Variants in SPATA31G1 observed in about 807,000 individuals in gnomAD.
The protein encoded by SPATA31G1 is spermatogenesis-associated protein 31G1.
chr9:35,041,129 G>C, the SPATA31G1 span: 1 of 454,740 alleles, frequency 2.2e-6, no homozygotes, highest in Non-Finnish European at 4.4e-6. Flanking sequence ...AAGGAAGGAG[G>C]AAGTTAACTT....
the SPATA31G1 span, chr9:35,044,859 A>G: frequency 6.2e-7 from 1 of 1,613,976 alleles, no homozygotes; most frequent in South Asian, 1.1e-5. Context: ...GATTGAACGC[A>G]CTCATCCTGG....
the SPATA31G1 span, chr9:35,043,421 AG>A: frequency 5.0e-6 from 8 of 1,614,168 alleles, no homozygotes; most frequent in Non-Finnish European, 6.8e-6. Context: ...AAGATCTAGA[AG>A]GGATGGCCCC....
chr9:35,041,151 A>C, the SPATA31G1 span: 2 of 453,920 alleles, frequency 4.4e-6, no homozygotes, highest in South Asian at 3.1e-5. Flanking sequence ...TGGAATGCTG[A>C]GAAAGGTAAA....
chr9:35,045,664 C>T, the SPATA31G1 span: 1 of 1,614,214 alleles, frequency 6.2e-7, no homozygotes, highest in African/African-American at 1.3e-5. Context: ...CTCCCCAAAG[C>T]TTCGGGTCCC....
the SPATA31G1 span, chr9:35,045,663 G>A: frequency 1.1e-5 from 17 of 1,614,190 alleles, no homozygotes; most frequent in Middle Eastern, 3.3e-4. Context: ...TCTCCCCAAA[G>A]CTTCGGGTCC....
the SPATA31G1 span, chr9:35,045,447 T>C: frequency 6.2e-7 from 1 of 1,613,990 alleles, no homozygotes; most frequent in Non-Finnish European, 8.5e-7. Flanking sequence ...TTCAGCCTCA[T>C]CCTCAGCCAA....
At chr9:35,045,382 C>T in the SPATA31G1 span, 3 of 1,614,108 alleles carry the variant, frequency 1.9e-6, no homozygotes, top group Non-Finnish European at 2.5e-6. Flanking sequence ...TCTCCAGGCC[C>T]AGGAGAACCC....
the SPATA31G1 span, chr9:35,045,799 G>A: frequency 6.2e-7 from 1 of 1,614,108 alleles, no homozygotes; most frequent in African/African-American, 1.3e-5. Flanking sequence ...TCCCTTACCA[G>A]GGGTTTGCAA....
the SPATA31G1 span, chr9:35,045,653 T>A: frequency 6.2e-7 from 1 of 1,613,958 alleles, no homozygotes; most frequent in Non-Finnish European, 8.5e-7. Context: ...CCCAGCTGCT[T>A]CTCCCCAAAG....
chr9:35,043,332 T>C, the SPATA31G1 span: 2 of 1,614,202 alleles, frequency 1.2e-6, no homozygotes, highest in South Asian at 1.1e-5. Context: ...CAAGCTTGCC[T>C]TCCTACCTAG....
chr9:35,045,203 C>CCA, the SPATA31G1 span: 1 of 1,614,200 alleles, frequency 6.2e-7, no homozygotes, highest in Non-Finnish European at 8.5e-7. Flanking sequence ...CTCAGCCTGT[C>CCA]CAGTCCTCCC....
chr9:35,043,205 A>G, the SPATA31G1 span: 1 of 1,614,180 alleles, frequency 6.2e-7, no homozygotes, highest in Non-Finnish European at 8.5e-7. Flanking sequence ...AGCAGAGAAA[A>G]AGCCAGCTCT....
At chr9:35,044,824 C>A in the SPATA31G1 span, 3 of 1,614,164 alleles carry the variant, frequency 1.9e-6, no homozygotes, top group Non-Finnish European at 2.5e-6. Flanking sequence ...GTACCCCAGC[C>A]TCCCACCCTA....
At chr9:35,043,104 C>T in the SPATA31G1 span, 2 of 1,614,112 alleles carry the variant, frequency 1.2e-6, no homozygotes, top group Non-Finnish European at 1.7e-6. Context: ...AACAGTCATG[C>T]AGCCCGTGAG....
chr9:35,043,110 G>C, the SPATA31G1 span: 6 of 1,614,042 alleles, frequency 3.7e-6, no homozygotes, highest in Non-Finnish European at 5.1e-6. Context: ...CATGCAGCCC[G>C]TGAGCCCTTC....
chr9:35,044,410 C>T, the SPATA31G1 span: 77 of 1,614,008 alleles, frequency 4.8e-5, no homozygotes, highest in African/African-American at 5.7e-4. Context: ...ATACAAAAGA[C>T]AAAAAACTCC....
the SPATA31G1 span, chr9:35,042,611 T>C: frequency 4.9e-6 from 7 of 1,442,780 alleles, no homozygotes; most frequent in African/African-American, 7.0e-5. Context: ...GAGTAACCAC[T>C]GACACTAGAT....
the SPATA31G1 span, chr9:35,043,704 G>A: frequency 1.8e-5 from 29 of 1,614,164 alleles, no homozygotes; most frequent in East Asian, 5.6e-4. Context: ...AGTTAGCCCT[G>A]AAGGAGGACT....
At chr9:35,045,034 C>T in the SPATA31G1 span, 18 of 1,614,224 alleles carry the variant, frequency 1.1e-5, no homozygotes, top group Middle Eastern at 2.3e-3. Flanking sequence ...GCCTCCAGAG[C>T]CCCTGGCCCA....
Sources: gnomAD v4.1 joint callset for allele counts on GRCh38, gnomAD v4.1.1 for gene constraint, MANE v1.5 for transcripts, NCBI Gene and HGNC (gene_info 2026-07-23, HGNC 2026-07-21) for gene names.